Variants in BCAS3 observed in about 807,000 individuals in gnomAD.
The protein encoded by BCAS3 is BCAS4/BCAS3 fusion.
BCAS3 carries 53 observed loss-of-function variants against 116.1 expected under a neutral mutation model. The observed-to-expected ratio is 0.46, with a 90% CI of 0.37 to 0.57. The LOEUF (loss-of-function observed/expected upper bound fraction) is 0.57, where lower values mean the gene tolerates loss of function less well. Ranked by LOEUF, BCAS3 falls within the 20% of genes least tolerant of loss-of-function variation. The probability of loss-of-function intolerance (pLI) is 0.00; values close to 1 mark genes in which losing one functional copy is unlikely to be tolerated. For missense variants in BCAS3, 917 were observed against 1,165.4 expected, an observed-to-expected ratio of 0.79 and a Z score of 3.10; for synonymous variants, 391 against 408.2, an observed-to-expected ratio of 0.96 and a Z score of 0.51.
intron 6 of BCAS3, among the ~76,000 whole-genome samples, chr17:60,805,917 C>T (rs2048234645): frequency 1.4e-5 from 2 of 141,016 alleles, no homozygotes; most frequent in South Asian, 4.6e-4. Flanking sequence ...GGAGTGCTGG[C>T]GTTGGCATGA....
At chr17:61,101,428 C>T (rs2143664160) in intron 22 of BCAS3, among the ~76,000 whole-genome samples, 1 of 152,244 alleles carries the variant, frequency 6.6e-6, no homozygotes, top group East Asian at 1.9e-4. Flanking sequence ...ACTCACAATT[C>T]ACTCTATAGT....
At chr17:61,321,628 T>C (rs1489071621) in intron 22 of BCAS3, among the ~76,000 whole-genome samples, 1 of 152,222 alleles carries the variant, frequency 6.6e-6, no homozygotes, top group African/African-American at 2.4e-5. Flanking sequence ...GGAACCTTGC[T>C]TTGTTGACTG....
intron 22 of BCAS3, among the ~76,000 whole-genome samples, chr17:61,322,794 C>CAGAGAGAGAGAGAGAGAGAGAGAGAGAG (rs35581770): frequency 2.2e-4 from 22 of 99,624 alleles, no homozygotes; most frequent in East Asian, 5.7e-4. Flanking sequence ...GAGAGAGAGA[C>CAGAGAGAGAGAGAGAGAGAGAGAGAGAG]AGAGAGAGAG....
intron 22 of BCAS3, among the ~76,000 whole-genome samples, chr17:61,159,898 A>G (rs1183140370): frequency 1.1e-4 from 17 of 152,212 alleles, no homozygotes; most frequent in Admixed American, 1.1e-3. Flanking sequence ...ATTCTATGCA[A>G]AAGATTAGTT....
At chr17:60,726,247 C>G (rs985784931) in intron 5 of BCAS3, among the ~76,000 whole-genome samples, 12 of 140,856 alleles carry the variant, frequency 8.5e-5, no homozygotes, top group Non-Finnish European at 1.5e-4. Context: ...GTTGCCCAGG[C>G]TGGAGTGCAG....
intron 7 of BCAS3, among the ~76,000 whole-genome samples, chr17:60,839,715 A>C (rs2051721220): frequency 6.6e-6 from 1 of 152,164 alleles, no homozygotes; most frequent in South Asian, 2.1e-4. Context: ...TTTTCCTCTT[A>C]AATTTAAAGC....
intron 6 of BCAS3, among the ~76,000 whole-genome samples, chr17:60,763,994 A>G (rs1435852800): frequency 2.0e-5 from 3 of 152,082 alleles, no homozygotes; most frequent in Non-Finnish European, 4.4e-5. Flanking sequence ...AGAGGTGTTT[A>G]TAGTATTCTC....
intron 22 of BCAS3, among the ~76,000 whole-genome samples, chr17:61,127,980 A>C (rs1199891787): frequency 6.6e-6 from 1 of 152,182 alleles, no homozygotes; most frequent in African/African-American, 2.4e-5. Context: ...CTTCCTCTGA[A>C]GGAAGACTGT....
At chr17:61,287,319 T>G (rs912619433) in intron 22 of BCAS3, among the ~76,000 whole-genome samples, 4 of 151,934 alleles carry the variant, frequency 2.6e-5, no homozygotes, top group Admixed American at 1.3e-4. Context: ...TGGTAGATGC[T>G]GCAGCAGAGA....
intron 22 of BCAS3, among the ~76,000 whole-genome samples, chr17:61,269,288 G>GT (rs2050030698): frequency 1.3e-5 from 2 of 151,614 alleles, no homozygotes; most frequent in Admixed American, 6.6e-5. Flanking sequence ...CTAATTTTGT[G>GT]TTTTTTAGTA....
At chr17:60,933,179 A>T (rs1373890910) in intron 13 of BCAS3, among the ~76,000 whole-genome samples, 1 of 152,170 alleles carries the variant, frequency 6.6e-6, no homozygotes, top group Non-Finnish European at 1.5e-5. Context: ...AAAGAAAAAA[A>T]AAAGGACCCC....
Position 61,151,381 on chromosome 17 carries a change from G to C in BCAS3, c.2425+66817G>C, listed in dbSNP as rs1168852422. Reference sequence around the variant, plus strand: ...ACCTATACCACTACCTCCTCCTCCTGTTTTTTCCTACTTTTTTTTTTTTTA... The same window carrying C: ...ACCTATACCACTACCTCCTCCTCCTCTTTTTTCCTACTTTTTTTTTTTTTA... On this transcript the variant is annotated intron_variant, in intron 22 of 23. Transcript: ENST00000407086. This position sits in a 1 kb window ranked among gnomAD's most constrained non-coding sequence, Gnocchi z 4.8. Among the ~76,000 whole-genome samples, 1 of 148,788 alleles carries C rather than the reference G, an allele frequency of 6.7e-6. No individual in the cohort carries two copies. Among genetic ancestry groups the C allele is most frequent in the Non-Finnish European group, 1.5e-5 (1 of 67,680 alleles).
At chr17:60,789,039 G>A (rs901287492) in intron 6 of BCAS3, among the ~76,000 whole-genome samples, 6 of 152,046 alleles carry the variant, frequency 3.9e-5, no homozygotes, top group African/African-American at 1.4e-4. Context: ...AAAAAATGAA[G>A]CAGAAGACTT....
At chr17:60,992,073 T>A (rs1349311985) in intron 15 of BCAS3, among the ~76,000 whole-genome samples, 1 of 152,100 alleles carries the variant, frequency 6.6e-6, no homozygotes, top group Non-Finnish European at 1.5e-5. Context: ...ATTATGAATA[T>A]GTGTGTACGT....
At chr17:60,985,653 A>C (rs1317463622) in intron 14 of BCAS3, among the ~76,000 whole-genome samples, 1 of 150,240 alleles carries the variant, frequency 6.7e-6, no homozygotes, top group Non-Finnish European at 1.5e-5. Context: ...AGCCATCCCT[A>C]CTCCCCCCTC....
chr17:61,212,777 TG>T (rs1342088604), intron 22 of BCAS3, among the ~76,000 whole-genome samples: 1 of 152,200 alleles, frequency 6.6e-6, no homozygotes, highest in Non-Finnish European at 1.5e-5. Flanking sequence ...AGCTTCTCTT[TG>T]GAATCACAAT....
rs114505249 is a variant in BCAS3, at chr17:61,260,083, G to A, written c.2426-108244G>A. 8.2e-3 allele frequency among the ~76,000 whole-genome samples: 1,242 copies of A among 152,242 alleles called. 16 individuals are homozygous for A. Among genetic ancestry groups the A allele is most frequent in the African/African-American group, 0.028 (1,153 of 41,532 alleles). ...TACTGGATAAGTTAAATAACTTGCC[G>A]AAGGTTTAAACAGCTACTAAATGCC... On this transcript the variant is annotated intron_variant, in intron 22 of 23. Transcript: ENST00000407086.
chr17:60,705,241 G>A (rs1449881272), intron 4 of BCAS3, among the ~76,000 whole-genome samples: 1 of 152,164 alleles, frequency 6.6e-6, no homozygotes, highest in African/African-American at 2.4e-5. Flanking sequence ...AAAGAGGGCC[G>A]GGCATGGTGG....
chr17:60,936,023 A>T (rs1456308464), intron 13 of BCAS3, among the ~76,000 whole-genome samples: 10 of 121,038 alleles, frequency 8.3e-5, no homozygotes, highest in Non-Finnish European at 1.5e-4. Context: ...CCCACCCCAC[A>T]ACAGGCCCTG....
Sources: gnomAD v4.1 joint callset for allele counts (sites outside exome capture counted in the v4.1 genomes callset) on GRCh38, gnomAD v4.1.1 for gene constraint, Gnocchi (gnomAD v3.1) non-coding constraint, MANE v1.5 for transcripts, NCBI Gene and HGNC (gene_info 2026-07-23, HGNC 2026-07-21) for gene names.